Variants in TRMT9B observed in about 807,000 individuals in gnomAD.
The protein encoded by TRMT9B is probable tRNA methyltransferase 9B.
Under a neutral mutation model 11.5 loss-of-function variants are expected in TRMT9B, and 16 were observed. That is an observed-to-expected ratio of 1.39 (90% confidence interval 0.94 to 2.11). TRMT9B has a LOEUF of 2.11. Among genes scored for constraint, TRMT9B ranks in the 30% most tolerant of loss-of-function variants. TRMT9B has a pLI of 0.00. For synonymous variants in TRMT9B, 274 were observed against 192.4 expected, an observed-to-expected ratio of 1.42 and a Z score of -3.51; for missense variants, 941 against 553.8, an observed-to-expected ratio of 1.70 and a Z score of -7.02.
At chr8:12,984,316 A>G (rs1483177731) in intron 1 of TRMT9B, among the ~76,000 whole-genome samples, 2 of 152,208 alleles carry the variant, frequency 1.3e-5, no homozygotes, top group Non-Finnish European at 2.9e-5. Context: ...AGGGATACTC[A>G]AACTGTAATA....
At chr8:13,014,693 A>G (rs1365042634) in intron 4 of TRMT9B, among the ~76,000 whole-genome samples, 1 of 152,148 alleles carries the variant, frequency 6.6e-6, no homozygotes, top group Non-Finnish European at 1.5e-5. Flanking sequence ...ATTAAGCAAC[A>G]CTATACAATG....
intron 2 of TRMT9B, among the ~76,000 whole-genome samples, chr8:12,994,662 A>C (rs551810455): frequency 6.6e-6 from 1 of 152,316 alleles, no homozygotes; most frequent in South Asian, 2.1e-4. Flanking sequence ...AGTGCAATTT[A>C]AACGACAAGA....
At chr8:12,969,048 C>T (rs1223613278) in intron 1 of TRMT9B, among the ~76,000 whole-genome samples, 1 of 152,108 alleles carries the variant, frequency 6.6e-6, no homozygotes, top group Non-Finnish European at 1.5e-5. Context: ...CCCATCTCTA[C>T]TAATAATAGA....
At chr8:13,011,335 A>C in intron 3 of TRMT9B, 1 of 985,300 alleles carries the variant, frequency 1.0e-6, no homozygotes, top group Non-Finnish European at 1.2e-6. Context: ...AGCTGGCATT[A>C]ATGAATCTTA....
intron 2 of TRMT9B, among the ~76,000 whole-genome samples, chr8:12,993,664 CA>C (rs1011350774): frequency 6.6e-6 from 1 of 152,200 alleles, no homozygotes; most frequent in African/African-American, 2.4e-5. Flanking sequence ...ATTCCAATAG[CA>C]CATTGCTATC....
At chr8:13,002,865 T>A (rs532912529) in intron 2 of TRMT9B, among the ~76,000 whole-genome samples, 1 of 152,244 alleles carries the variant, frequency 6.6e-6, no homozygotes, top group East Asian at 1.9e-4. Context: ...GGACAGAGGC[T>A]GTCCAGGGAC....
intron 3 of TRMT9B, chr8:13,010,671 G>A: frequency 1.0e-6 from 1 of 984,746 alleles, no homozygotes; most frequent in Non-Finnish European, 1.2e-6. Context: ...TTCTAAAGAT[G>A]TATGAGTCTG....
chr8:12,952,355 C>G, intron 1 of TRMT9B: 1 of 324,986 alleles, frequency 3.1e-6, no homozygotes, highest in Non-Finnish European at 6.3e-6. Flanking sequence ...GTCTGGCCGC[C>G]TGGGTGAGTT....
At chr8:12,959,944 T>C (rs1357298652) in intron 1 of TRMT9B, 1 of 152,214 alleles carries the variant, frequency 6.6e-6, no homozygotes, top group Non-Finnish European at 1.5e-5. Context: ...CAGAAAAGTA[T>C]TCTTCCTTTG....
In TRMT9B at chr8:12,959,572, T is replaced by C. The variant is rs1039170694; in HGVS notation, c.-200+13606T>C. Among the ~76,000 whole-genome samples the C allele has an allele frequency of 2.6e-4, 34 of 132,372 alleles. 1 individual carries two copies. The highest frequency in any genetic ancestry group is 8.7e-4 in the African/African-American group (31 of 35,516). The allele number at this position is 132,372 out of a possible 152,430, so 86.8% of individuals were successfully genotyped here. ...TCTTGCTCTGTTGCCCAGGCTGGAG[T>C]GCAGTGGCACCATCATGGCTCATTG... On this transcript the variant is annotated intron_variant, in intron 1 of 4. Transcript: ENST00000524591.
Position 13,002,189 on chromosome 8 carries a change from C to T in TRMT9B, c.-1-4013C>T, listed in dbSNP as rs1348771866. ...AGATCTTGGGGGTGCTGTTCAGATA[C>T]TACAAATTCTGAGCTTGAAATTGAA... On this transcript the variant is annotated intron_variant, in intron 2 of 4. Transcript: ENST00000524591. 3.3e-5 allele frequency among the ~76,000 whole-genome samples: 5 copies of T among 152,252 alleles called. No individual in the cohort carries two copies. In the East Asian group the frequency reaches 9.6e-4, roughly 29 times the overall value.
At chr8:12,993,633 A>G (rs1488600536) in intron 2 of TRMT9B, among the ~76,000 whole-genome samples, 1 of 152,212 alleles carries the variant, frequency 6.6e-6, no homozygotes, top group Admixed American at 6.5e-5. Context: ...CACTGTGACA[A>G]CTTTGATCTT....
intron 2 of TRMT9B, among the ~76,000 whole-genome samples, chr8:12,992,462 T>C (rs964903581): frequency 4.0e-5 from 6 of 151,758 alleles, no homozygotes; most frequent in Admixed American, 3.3e-4. Context: ...GGAAATGTGA[T>C]AGGAGGTGTA....
chr8:12,973,779 C>A (rs1376923400), intron 1 of TRMT9B, among the ~76,000 whole-genome samples: 1 of 152,154 alleles, frequency 6.6e-6, no homozygotes, highest in African/African-American at 2.4e-5. Context: ...TCCATGAGAT[C>A]CACAAAACAC....
intron 1 of TRMT9B, among the ~76,000 whole-genome samples, chr8:12,953,253 A>G (rs374780494): frequency 1.4e-4 from 22 of 152,326 alleles, no homozygotes; most frequent in African/African-American, 5.1e-4. Flanking sequence ...ACAGCTAACC[A>G]TTGGCATTTC....
At chr8:12,986,464 C>T (rs952831781) in intron 1 of TRMT9B, among the ~76,000 whole-genome samples, 14 of 152,200 alleles carry the variant, frequency 9.2e-5, no homozygotes, top group African/African-American at 3.1e-4. Context: ...TCACACAGCT[C>T]ATACTGTAAT....
chr8:12,992,376 C>T (rs533036719), intron 2 of TRMT9B, among the ~76,000 whole-genome samples: 1 of 151,998 alleles, frequency 6.6e-6, no homozygotes, highest in South Asian at 2.1e-4. Flanking sequence ...GTCCTGGGGC[C>T]GGGCACAGTG....
chr8:13,016,459 C>T (rs539439512), intron 4 of TRMT9B, among the ~76,000 whole-genome samples: 63 of 149,650 alleles, frequency 4.2e-4, no homozygotes, highest in African/African-American at 1.5e-3. Context: ...TCTCTTATGT[C>T]CCTATATATT....
In TRMT9B at chr8:13,008,031, C is replaced by T. The variant is rs186275879; in HGVS notation, c.154+1675C>T. ...ATCATAAACATTGAATTGGCAAATA[C>T]TGAATCATTGTTTTTAGGGGAAATG... On this transcript the variant is annotated intron_variant, in intron 3 of 4. Transcript: ENST00000524591. Among the ~76,000 whole-genome samples the T allele has an allele frequency of 6.6e-5, 10 of 152,242 alleles. No individual in the cohort carries two copies. In the East Asian group the frequency reaches 1.3e-3, roughly 21 times the overall value.
Sources: allele counts gnomAD v4.1 joint callset (sites outside exome capture counted in the v4.1 genomes callset), GRCh38; gene constraint gnomAD v4.1.1; transcripts MANE v1.5; gene names NCBI Gene and HGNC (gene_info 2026-07-23, HGNC 2026-07-21).